BAIAP2: variants seen among roughly 807,000 people sequenced by gnomAD.
BAIAP2 encodes BAR/IMD domain-containing adapter protein 2.
BAIAP2 carries 18 observed loss-of-function variants against 63.0 expected under a neutral mutation model. That is an observed-to-expected ratio of 0.29 (90% CI 0.20 to 0.42). BAIAP2 has a LOEUF of 0.42. Ranked by LOEUF, BAIAP2 falls within the 10% of genes least tolerant of loss-of-function variation. BAIAP2 has a pLI of 1.00. For synonymous variants in BAIAP2, 386 were observed against 307.6 expected (o/e 1.25, Z -2.67); for missense variants, 610 against 734.3 (o/e 0.83, Z 1.96).
At chr17:81,051,416 T>G (rs1434052082) in intron 1 of BAIAP2, among the ~76,000 whole-genome samples, 1 of 152,242 alleles carries the variant, frequency 6.6e-6, no homozygotes, top group African/African-American at 2.4e-5. Context: ...TATGTATTTT[T>G]TTGAGACAGA....
At chr17:81,075,471 C>G (rs1344785361) in intron 3 of BAIAP2, among the ~76,000 whole-genome samples, 24 of 150,004 alleles carry the variant, frequency 1.6e-4, no homozygotes, top group Admixed American at 1.6e-3. Flanking sequence ...GGGCTCCCTT[C>G]CTGTGGGCCG....
At chr17:81,074,520 G>C (rs904351445) in intron 3 of BAIAP2, among the ~76,000 whole-genome samples, 1 of 151,028 alleles carries the variant, frequency 6.6e-6, no homozygotes, top group African/African-American at 2.4e-5. Context: ...ATGCGTACGA[G>C]TTGCCTGTGT....
chr17:81,055,569 G>GTTTTTTT (rs1555657837), intron 2 of BAIAP2, among the ~76,000 whole-genome samples: 2,398 of 94,106 alleles, frequency 0.025, 47 homozygotes, highest in Middle Eastern at 0.052. Context: ...TCTGCAGGGT[G>GTTTTTTT]TTTTGTTTTT....
At chr17:81,050,976 A>G (rs2048590643) in intron 1 of BAIAP2, among the ~76,000 whole-genome samples, 1 of 151,850 alleles carries the variant, frequency 6.6e-6, no homozygotes, top group Non-Finnish European at 1.5e-5. Flanking sequence ...CCGAGAGCGC[A>G]CCAGGTCCCA....
intron 1 of BAIAP2, among the ~76,000 whole-genome samples, chr17:81,038,957 G>A (rs1405020548): frequency 6.6e-6 from 1 of 152,224 alleles, no homozygotes; most frequent in Non-Finnish European, 1.5e-5. Context: ...GCTGGACCCA[G>A]CTCCGTGCGC....
chr17:81,085,761 G>T lies in BAIAP2; in HGVS notation c.351+36G>T, dbSNP rs201750225. On this transcript the variant is annotated intron_variant, in intron 5 of 13. Transcript: ENST00000428708. Reference sequence around the variant, plus strand: ...CCTGGCCGTGCCTGCTGGGCCCTGTGCCTGGGCTCCGGCTCTCCCAAATGC... The same window carrying T: ...CCTGGCCGTGCCTGCTGGGCCCTGTTCCTGGGCTCCGGCTCTCCCAAATGC... 9.8e-5 allele frequency: 153 copies of T among 1,562,928 alleles called. No homozygotes were observed. In the African/African-American group the frequency reaches 1.4e-3, roughly 15 times the overall value.
At chr17:81,072,206 C>G (rs1273624126) in intron 3 of BAIAP2, among the ~76,000 whole-genome samples, 1 of 152,250 alleles carries the variant, frequency 6.6e-6, no homozygotes, top group African/African-American at 2.4e-5. Flanking sequence ...ACTCCCTTTT[C>G]CCAGATGGCT....
intron 2 of BAIAP2, among the ~76,000 whole-genome samples, chr17:81,055,857 C>T (rs1037993166): frequency 6.6e-6 from 1 of 152,142 alleles, no homozygotes; most frequent in Non-Finnish European, 1.5e-5. Context: ...TGAGCCACCG[C>T]GCCCGGCCGT....
At chr17:81,052,228 C>CCCTG (rs2048784857) in intron 1 of BAIAP2, among the ~76,000 whole-genome samples, 1 of 152,254 alleles carries the variant, frequency 6.6e-6, no homozygotes, top group South Asian at 2.1e-4. Flanking sequence ...GAAAGTGCTT[C>CCCTG]CCTGCCTGCC....
At position 81,055,569 on chromosome 17, in the gene BAIAP2, G is replaced by GTTTTTTTTTTTTTTTTTTTTTT. The variant is rs1555657837; in HGVS notation, c.130+1830_130+1831insTTTTTTTTTTTTTTTTTTTTTT. On this transcript the variant is annotated intron_variant, in intron 2 of 13. Coordinates refer to ENST00000428708, the MANE Select transcript of BAIAP2 (RefSeq NM_001144888.2). ...TTCCTCCAGCGAAAGTCTGCAGGGT[G>GTTTTTTTTTTTTTTTTTTTTTT]TTTTGTTTTTTTTTGAGACGGAGTC... Among the ~76,000 whole-genome samples the GTTTTTTTTTTTTTTTTTTTTTT allele has an allele frequency of 5.2e-4, 49 of 94,222 alleles. 1 individual carries two copies. Among genetic ancestry groups the GTTTTTTTTTTTTTTTTTTTTTT allele is most frequent in the Non-Finnish European group, 9.2e-4 (43 of 46,764 alleles). The allele number at this position is 94,222 out of a possible 152,430, so 61.8% of individuals were successfully genotyped here. A position where few individuals can be genotyped will look rare whatever the true frequency, so the allele number is the denominator to read the frequency against.
At position 81,046,194 on chromosome 17, in the gene BAIAP2, C is replaced by T. The variant is rs2047779770; in HGVS notation, c.55-7474C>T. Among the ~76,000 whole-genome samples, 2 of 152,136 alleles carry T rather than the reference C, an allele frequency of 1.3e-5. No homozygotes were observed. The highest frequency in any genetic ancestry group is 1.3e-4 in the Admixed American group (2 of 15,286). ...CCCCCTTGGGATCCCGTTCTGCAGGCTCCAGCCCACCTTCAGGCCCCCGTC... is the reference window on the plus strand; with the variant it reads ...CCCCCTTGGGATCCCGTTCTGCAGGTTCCAGCCCACCTTCAGGCCCCCGTC... On this transcript the variant is annotated intron_variant, in intron 1 of 13. Coordinates refer to ENST00000428708, the MANE Select transcript of BAIAP2 (RefSeq NM_001144888.2). This position sits in a 1 kb window ranked among gnomAD's most constrained non-coding sequence, Gnocchi z 4.5.
At chr17:81,090,681 C>G (rs2056568975) in intron 6 of BAIAP2, among the ~76,000 whole-genome samples, 1 of 152,252 alleles carries the variant, frequency 6.6e-6, no homozygotes, top group South Asian at 2.1e-4. Flanking sequence ...CATCCCCAGC[C>G]CCACATCGGA....
chr17:81,116,013 C>G lies in BAIAP2; in HGVS notation c.*174C>G. On this transcript the variant is annotated 3_prime_UTR_variant, in exon 14 of 14. Coordinates refer to ENST00000428708, the MANE Select transcript of BAIAP2 (RefSeq NM_001144888.2). ...CCCAGCTGTTCTAGGCAGGGCCGGG[C>G]AGAGTGGGGCGCAGGCCCCTGAAGG... The G allele has an allele frequency of 6.8e-7, 1 of 1,462,056 alleles. No individual in the cohort carries two copies. The highest frequency in any genetic ancestry group is 9.0e-7 in the Non-Finnish European group (1 of 1,109,614). 90.6% of individuals were successfully genotyped at this position (1,462,056 alleles called of 1,614,324 possible). A position where few individuals can be genotyped will look rare whatever the true frequency, so the allele number is the denominator to read the frequency against.
At chr17:81,091,402 C>T (rs1272339188) in intron 6 of BAIAP2, among the ~76,000 whole-genome samples, 1 of 152,248 alleles carries the variant, frequency 6.6e-6, no homozygotes, top group African/African-American at 2.4e-5. Context: ...GTTCTACAGA[C>T]CAGCCCAGCA....
At chr17:81,108,646 CG>C in intron 13 of BAIAP2, 137 bp downstream of exon 13, 1 of 1,173,628 alleles carries the variant, frequency 8.5e-7, no homozygotes, top group Non-Finnish European at 1.2e-6. Context: ...CTGTCAGAGC[CG>C]GGGATGTCCC....
At chr17:81,047,119 G>C (rs1568068169) in intron 1 of BAIAP2, among the ~76,000 whole-genome samples, 1 of 152,234 alleles carries the variant, frequency 6.6e-6, no homozygotes, top group Non-Finnish European at 1.5e-5. Flanking sequence ...TCCTGGGAGA[G>C]GCCAGGTGGA....
Position 81,116,456 on chromosome 17 carries a change from C to A in BAIAP2, c.*617C>A. On this transcript the variant is annotated 3_prime_UTR_variant, in exon 14 of 14. Transcript: ENST00000428708. ...GGGCCTCCCCAGGCCCCTCCTGCCT[C>A]GGGCAGGCCCCAGCCCTCCTCCTTA... 1.0e-6 allele frequency: 1 copy of A among 995,294 alleles called. No homozygotes were observed. The highest frequency in any genetic ancestry group is 1.4e-6 in the Non-Finnish European group (1 of 691,596). 61.7% of individuals were successfully genotyped at this position (995,294 alleles called of 1,614,324 possible). A position where few individuals can be genotyped will look rare whatever the true frequency, so the allele number is the denominator to read the frequency against.
At position 81,037,947 on chromosome 17, in the gene BAIAP2, T is replaced by C. The variant is rs568342552; in HGVS notation, c.54+2639T>C. On this transcript the variant is annotated intron_variant, in intron 1 of 13. Coordinates refer to ENST00000428708, the MANE Select transcript of BAIAP2 (RefSeq NM_001144888.2). ...CCTCTTTTCTGGTGGCTCCATTCCC[T>C]TGGGAGCTGTGTCCTCGGGGAATTT... Among the ~76,000 whole-genome samples the C allele has an allele frequency of 1.3e-4, 20 of 152,384 alleles. No individual in the cohort carries two copies. The South Asian group carries it at 4.1e-3, about 32-fold the overall frequency.
intron 4 of BAIAP2, 181 bp downstream of exon 4, chr17:81,085,074 C>T: frequency 1.5e-6 from 1 of 663,160 alleles, no homozygotes; most frequent in Admixed American, 2.3e-5. Context: ...GAGAAAAGGG[C>T]ACAGGCCAGA....
Sources: gnomAD v4.1 joint callset for allele counts (sites outside exome capture counted in the v4.1 genomes callset) on GRCh38, gnomAD v4.1.1 for gene constraint, Gnocchi (gnomAD v3.1) non-coding constraint, MANE v1.5 for transcripts, NCBI Gene and HGNC (gene_info 2026-07-23, HGNC 2026-07-21) for gene names.